DNAH9: variants seen among roughly 807,000 people sequenced by gnomAD.
The protein encoded by DNAH9 is dynein axonemal heavy chain 9.
Under a neutral mutation model 471.6 loss-of-function variants are expected in DNAH9, and 345 were observed. That is an observed-to-expected ratio of 0.73 (90% CI 0.67 to 0.80). DNAH9 has a LOEUF of 0.80. Among genes scored for constraint, DNAH9 ranks in the 30% least tolerant of loss-of-function variants. DNAH9 has a pLI of 0.00. For missense variants in DNAH9, 5,407 were observed against 5,609.2 expected (o/e 0.96, Z 1.15); for synonymous variants, 2,093 against 2,123.6 (o/e 0.99, Z 0.40).
At chr17:11,639,054 G>A (rs374436869) in intron 9 of DNAH9, among the ~76,000 whole-genome samples, 3 of 152,272 alleles carry the variant, frequency 2.0e-5, no homozygotes, top group South Asian at 4.2e-4. Flanking sequence ...TGCTTTTAAG[G>A]CCTCACCTGA....
chr17:11,690,845 A>G (rs1472364274), intron 20 of DNAH9, among the ~76,000 whole-genome samples: 1 of 152,188 alleles, frequency 6.6e-6, no homozygotes, highest in African/African-American at 2.4e-5. Context: ...TCTCAGCAGC[A>G]TGCCATTCTA....
chr17:11,694,695 TCG>T (rs1439444839), intron 22 of DNAH9, among the ~76,000 whole-genome samples: 68 of 4,528 alleles, frequency 0.015, 29 homozygotes, highest in African/African-American at 0.019. Context: ...TCTCGCTTTC[TCG>T]CTTTCTCTCT....
At chr17:11,923,182 T>G (rs1301760069) in intron 61 of DNAH9, among the ~76,000 whole-genome samples, 1 of 152,144 alleles carries the variant, frequency 6.6e-6, no homozygotes, top group East Asian at 1.9e-4. Context: ...TTCAAGTGAT[T>G]CTCCTGCCTC....
intron 5 of DNAH9, 82 bp from the exon 6 acceptor site, chr17:11,619,466 C>A: frequency 1.3e-6 from 1 of 771,580 alleles, no homozygotes; most frequent in Non-Finnish European, 2.3e-6. Context: ...ATTACTGGGG[C>A]AATGATTCAG....
intron 33 of DNAH9, among the ~76,000 whole-genome samples, chr17:11,754,163 A>T (rs1967278577): frequency 1.3e-5 from 2 of 151,114 alleles, no homozygotes; most frequent in African/African-American, 2.4e-5. Context: ...TGATCTCATT[A>T]TTTTTATGGC....
chr17:11,878,904 A>T lies in DNAH9; in HGVS notation c.10479-1174A>T, dbSNP rs373164628. 1.4e-3 allele frequency among the ~76,000 whole-genome samples: 219 copies of T among 152,284 alleles called. 3 individuals carry two copies. Among genetic ancestry groups the T allele is most frequent in the African/African-American group, 5.0e-3 (208 of 41,568 alleles). On this transcript the variant is annotated intron_variant, in intron 53 of 68. Coordinates refer to ENST00000262442, the MANE Select transcript of DNAH9 (RefSeq NM_001372.4). ...TTTTTGAGTTTTCTTTTTACATGGAAATCCAATCAATTTAAATATAGTTTA... is the reference window on the plus strand; with the variant it reads ...TTTTTGAGTTTTCTTTTTACATGGATATCCAATCAATTTAAATATAGTTTA...
intron 28 of DNAH9, among the ~76,000 whole-genome samples, chr17:11,732,733 G>T (rs1473651142): frequency 6.6e-6 from 1 of 152,262 alleles, no homozygotes; most frequent in East Asian, 1.9e-4. Context: ...GCAATCAGCT[G>T]TCTATGCTTT....
Position 11,669,739 on chromosome 17 carries a change from A to G in DNAH9, c.3298A>G (p.Ile1100Val), listed in dbSNP as rs1043706028. Residue 1100 changes from isoleucine to valine, a missense_variant, in exon 17 of 69, where the codon ATT becomes GTT. Physicochemically the swap from Ile to Val is conservative, Grantham distance 29 (BLOSUM62 3). This residue lies in a region of DNAH9 where 4,636 missense variants were observed against 4,900.3 expected (regional missense o/e 0.95). Transcript: ENST00000262442. The stretch of plus-strand genomic sequence containing the variant: ...CTTTAAGGCATCTCTGCTGAATATT[A>G]TTAAGAGGTGGAGCCTCCTGTTCAA... ...RPFKASLLNI[I>V]KRWSLLFKQH... 5 of 1,614,066 alleles carry G rather than the reference A, an allele frequency of 3.1e-6. No individual in the cohort carries two copies. Among genetic ancestry groups the G allele is most frequent in the South Asian group, 2.2e-5 (2 of 91,090 alleles).
intron 20 of DNAH9, among the ~76,000 whole-genome samples, chr17:11,693,237 CT>C (rs776422086): frequency 0.01 from 791 of 77,450 alleles, no homozygotes; most frequent in African/African-American, 0.019. Context: ...TTAAAATGCC[CT>C]TTTTTTTTTT....
At position 11,690,389 on chromosome 17, in the gene DNAH9, G is replaced by C. The variant is rs780270542; in HGVS notation, c.4567G>C (p.Glu1523Gln). 1.9e-6 allele frequency: 3 copies of C among 1,614,058 alleles called. No individual in the cohort carries two copies. The highest frequency in any genetic ancestry group is 1.7e-5 in the Admixed American group (1 of 60,000). The change falls in exon 20 of 69, where the codon GAA becomes CAA. Residue 1523 changes from glutamate to glutamine, a missense_variant. Glu to Gln is a conservative substitution (Grantham distance 29, BLOSUM62 2). This residue lies in a region of DNAH9 where 4,636 missense variants were observed against 4,900.3 expected (regional missense o/e 0.95). Coordinates refer to ENST00000262442, the MANE Select transcript of DNAH9 (RefSeq NM_001372.4). Reference sequence around the variant, plus strand: ...AGTGCAGCGAACATGGACTCACCTGGAAAGCATATTCACTGGATCTGAAGA... The same window carrying C: ...AGTGCAGCGAACATGGACTCACCTGCAAAGCATATTCACTGGATCTGAAGA... The part of the protein sequence containing the change: ...FEVQRTWTHL[E>Q]SIFTGSEDIR...
At chr17:11,894,337 A>C in intron 58 of DNAH9, 37 bp from the exon 59 acceptor site, 1 of 1,608,924 alleles carries the variant, frequency 6.2e-7, no homozygotes, top group Non-Finnish European at 8.5e-7. Context: ...TCTGGCTACA[A>C]GCTAAAGAAA....
chr17:11,658,493 CT>C (rs529737635), intron 14 of DNAH9, among the ~76,000 whole-genome samples: 2 of 151,252 alleles, frequency 1.3e-5, no homozygotes, highest in East Asian at 1.9e-4. Context: ...TTTTTTATGT[CT>C]TTTTTTTTCT....
At position 11,905,808 on chromosome 17, in the gene DNAH9, A is replaced by G; in HGVS notation, c.11748A>G (p.Gln3916=). Residue 3916 remains glutamine, a splice_region_variant and synonymous_variant, in exon 61 of 69, where the codon CAA becomes CAG. Transcript: ENST00000262442. ...GVDPLKDVES[Q]GRKLGYTFNN... ...ACCCACTGAAGGATGTAGAAAGTCA[A>G]GGTGAGAAAGGCGTCCTCTTGGAGC... 6.2e-7 allele frequency: 1 copy of G among 1,600,564 alleles called. No homozygotes were observed. Among genetic ancestry groups the G allele is most frequent in the East Asian group, 2.2e-5 (1 of 44,586 alleles).
At chr17:11,824,042 C>T (rs1358785025) in intron 48 of DNAH9, among the ~76,000 whole-genome samples, 1 of 152,106 alleles carries the variant, frequency 6.6e-6, no homozygotes, top group East Asian at 1.9e-4. Flanking sequence ...AGTCAATTTG[C>T]TCATCTTCCC....
chr17:11,611,339 C>T (rs1355516009), intron 3 of DNAH9, among the ~76,000 whole-genome samples: 1 of 152,234 alleles, frequency 6.6e-6, no homozygotes, highest in East Asian at 1.9e-4. Flanking sequence ...ACCCTTGCTC[C>T]AATAACGCCT....
In DNAH9 at chr17:11,688,097, A is replaced by AAG. The variant is rs1391092242; in HGVS notation, c.3744-1468_3744-1467insGA. Among the ~76,000 whole-genome samples, 180 of 142,882 alleles carry AAG rather than the reference A, an allele frequency of 1.3e-3. 4 individuals are homozygous for AAG. The highest frequency in any genetic ancestry group is 1.8e-3 in the Non-Finnish European group (121 of 66,784). 93.7% of individuals were successfully genotyped at this position (142,882 alleles called of 152,430 possible). A position where few individuals can be genotyped will look rare whatever the true frequency, so the allele number is the denominator to read the frequency against. On this transcript the variant is annotated intron_variant, in intron 19 of 68. Coordinates refer to ENST00000262442, the MANE Select transcript of DNAH9 (RefSeq NM_001372.4). ...TGCAGTAAGCCAAAAAAAAAAAAAAAAAAGAAAAAGCCATCTGCCTACATG... is the reference window on the plus strand; with the variant it reads ...TGCAGTAAGCCAAAAAAAAAAAAAAAAGAAAGAAAAAGCCATCTGCCTACATG...
chr17:11,728,466 G>A (rs2075194779), intron 28 of DNAH9, among the ~76,000 whole-genome samples: 1 of 147,650 alleles, frequency 6.8e-6, no homozygotes, highest in Admixed American at 6.8e-5. Context: ...CTACAACCTA[G>A]TAAGTGTTAT....
chr17:11,631,979 TA>T (rs35983418), intron 7 of DNAH9, among the ~76,000 whole-genome samples: 64 of 149,886 alleles, frequency 4.3e-4, no homozygotes, highest in Middle Eastern at 3.5e-3. Context: ...TTGGACATAC[TA>T]AAAAAAAAAA....
intron 19 of DNAH9, among the ~76,000 whole-genome samples, chr17:11,685,153 C>T (rs1429041724): frequency 6.6e-6 from 1 of 152,154 alleles, no homozygotes; most frequent in Admixed American, 6.5e-5. Flanking sequence ...TGGGCACCAG[C>T]TTTAACCCCG....
Sources: allele counts gnomAD v4.1 joint callset (sites outside exome capture counted in the v4.1 genomes callset), GRCh38; gene constraint gnomAD v4.1.1; regional missense constraint gnomAD v4.1.1; transcripts MANE v1.5; gene names NCBI Gene and HGNC (gene_info 2026-07-23, HGNC 2026-07-21).